Variants in DYNC2LI1 observed in about 807,000 individuals in gnomAD.
DYNC2LI1 encodes dynein cytoplasmic 2 light intermediate chain 1.
A neutral mutation model predicts 51.9 loss-of-function variants in DYNC2LI1; 45 were observed. The ratio of observed to expected loss-of-function variants is 0.87; its 90% CI spans 0.68 to 1.11. The LOEUF (loss-of-function observed/expected upper bound fraction) is 1.11. DYNC2LI1 is among the 50% of genes most tolerant of loss of function. DYNC2LI1 has a pLI of 0.00. For missense variants in DYNC2LI1, 490 were observed against 417.4 expected, an observed-to-expected ratio of 1.17 and a Z score of -1.51; for synonymous variants, 130 against 137.8, an observed-to-expected ratio of 0.94 and a Z score of 0.40.
the DYNC2LI1 span, among the ~76,000 whole-genome samples, chr2:43,815,927 AG>A: frequency 6.8e-6 from 1 of 146,850 alleles, no homozygotes; most frequent in African/African-American, 2.7e-5. Flanking sequence ...AAAAAAAAAA[AG>A]GACCAGACTA....
chr2:43,809,910 C>T lies in DYNC2LI1; in HGVS notation c.*143C>T. Reference sequence around the variant, plus strand: ...ACAAGCTGGATTTCTTGGACTAGTGCATCTCCCTGTATATCTTGAAGCTTT... The same window carrying T: ...ACAAGCTGGATTTCTTGGACTAGTGTATCTCCCTGTATATCTTGAAGCTTT... On this transcript the variant is annotated 3_prime_UTR_variant, in exon 13 of 13. Transcript: ENST00000260605. 2 of 1,414,982 alleles carry T rather than the reference C, an allele frequency of 1.4e-6. No homozygotes were observed. Among genetic ancestry groups the T allele is most frequent in the Admixed American group, 3.2e-5 (1 of 31,682 alleles). 87.7% of individuals were successfully genotyped at this position (1,414,982 alleles called of 1,614,324 possible).
chr2:43,827,377 G>A, the DYNC2LI1 span, among the ~76,000 whole-genome samples: 1 of 150,970 alleles, frequency 6.6e-6, no homozygotes, highest in Non-Finnish European at 1.5e-5. Flanking sequence ...TCTCTTATTT[G>A]CCTTCTAGTG....
At chr2:43,803,604 G>C (rs1666143915) in intron 10 of DYNC2LI1, among the ~76,000 whole-genome samples, 2 of 152,166 alleles carry the variant, frequency 1.3e-5, no homozygotes, top group Admixed American at 1.3e-4. Flanking sequence ...TGTGCTAGTG[G>C]AATTAAGTTG....
At chr2:43,814,641 T>C, downstream of DYNC2LI1, 1 of 1,062,812 alleles carries the variant, frequency 9.4e-7, no homozygotes, top group Non-Finnish European at 1.4e-6. Flanking sequence ...GCAATAGTCC[T>C]ACCAAATGAA....
intron 2 of DYNC2LI1, among the ~76,000 whole-genome samples, chr2:43,778,886 A>G (rs553102455): frequency 6.1e-4 from 93 of 152,268 alleles, no homozygotes; most frequent in Middle Eastern, 6.8e-3. Context: ...GTTTTTAGTA[A>G]TAAAAGTAAT....
intron 12 of DYNC2LI1, among the ~76,000 whole-genome samples, chr2:43,806,072 C>T (rs551193795): frequency 6.6e-6 from 1 of 151,912 alleles, no homozygotes; most frequent in South Asian, 2.1e-4. Context: ...TTAGTAGAAA[C>T]GGGGTTTCAC....
the DYNC2LI1 span, among the ~76,000 whole-genome samples, chr2:43,822,221 G>A: frequency 2.6e-5 from 4 of 151,960 alleles, no homozygotes; most frequent in African/African-American, 2.4e-5. Flanking sequence ...TGACTCTACC[G>A]AAGCTCTTTT....
the DYNC2LI1 span, chr2:43,820,042 C>A: frequency 6.2e-7 from 1 of 1,614,124 alleles, no homozygotes. Flanking sequence ...AAGTGGGGGG[C>A]CAAGAGAGCA....
At chr2:43,813,154 C>A (rs1666568512), downstream of DYNC2LI1, 1 of 1,461,022 alleles carries the variant, frequency 6.8e-7, no homozygotes, top group Non-Finnish European at 9.6e-7. Flanking sequence ...TTGAAAACAA[C>A]TATTCCTAGG....
the DYNC2LI1 span, chr2:43,822,489 T>G: frequency 1.4e-4 from 49 of 361,020 alleles, no homozygotes; most frequent in East Asian, 2.2e-4. Flanking sequence ...CCCCCCCCCA[T>G]GCACCTGGGT....
Position 43,798,581 on chromosome 2 carries a change from CA to C in DYNC2LI1, c.654+1787del, listed in dbSNP as rs754163215. Among the ~76,000 whole-genome samples, 115 of 152,296 alleles carry C rather than the reference CA, an allele frequency of 7.6e-4. No homozygotes were observed. In the Middle Eastern group the frequency reaches 0.014, roughly 18 times the overall value. ...AACAGATTACATTTGATGGAGGGTC[CA>C]GTCTGGTCTCATGGGTACAAATTTA... On this transcript the variant is annotated intron_variant, in intron 8 of 12. Transcript: ENST00000260605.
chr2:43,797,701 A>G (rs1043228444), intron 8 of DYNC2LI1, among the ~76,000 whole-genome samples: 34 of 151,664 alleles, frequency 2.2e-4, no homozygotes, highest in African/African-American at 7.0e-4. Context: ...TGTATTTTTA[A>G]TAGAGATGGG....
chr2:43,822,871 C>T, the DYNC2LI1 span: 1 of 1,614,156 alleles, frequency 6.2e-7, no homozygotes, highest in Non-Finnish European at 8.5e-7. Context: ...AGGCCAGCAT[C>T]ATCTGCCACT....
chr2:43,789,387 G>A (rs1475166555), intron 4 of DYNC2LI1, among the ~76,000 whole-genome samples: 1 of 152,098 alleles, frequency 6.6e-6, no homozygotes, highest in Admixed American at 6.5e-5. Flanking sequence ...GATGTCTTCT[G>A]TTTAGGTATT....
At chr2:43,818,896 C>T in the DYNC2LI1 span, among the ~76,000 whole-genome samples, 1 of 152,024 alleles carries the variant, frequency 6.6e-6, no homozygotes, top group Admixed American at 6.6e-5. Flanking sequence ...AATGAGGAAA[C>T]TAATTTAGAT....
At chr2:43,794,341 G>GTT in intron 5 of DYNC2LI1, 116 bp from the exon 6 acceptor site, 21 of 1,123,842 alleles carry the variant, frequency 1.9e-5, no homozygotes, top group East Asian at 1.1e-4. Flanking sequence ...TAATGCTACG[G>GTT]TTTTTTTTTC....
chr2:43,785,751 T>A lies in DYNC2LI1; in HGVS notation c.162-1430T>A, dbSNP rs566666792. Among the ~76,000 whole-genome samples, 4 of 151,856 alleles carry A rather than the reference T, an allele frequency of 2.6e-5. No individual in the cohort carries two copies. The East Asian group carries it at 7.7e-4, about 29-fold the overall frequency. On this transcript the variant is annotated intron_variant, in intron 3 of 12. Transcript: ENST00000260605. ...AAAATATATATAGTATGATTCCACT[T>A]ATATGAGATATCTAAAATAATCAAA...
At chr2:43,790,833 C>G (rs143820144) in intron 5 of DYNC2LI1, among the ~76,000 whole-genome samples, 1 of 152,080 alleles carries the variant, frequency 6.6e-6, no homozygotes, top group South Asian at 2.1e-4. Flanking sequence ...TGGAATTTTA[C>G]AGTTATATAG....
chr2:43,777,498 T>G (rs1016636911), intron 2 of DYNC2LI1, among the ~76,000 whole-genome samples: 1 of 152,202 alleles, frequency 6.6e-6, no homozygotes, highest in South Asian at 2.1e-4. Context: ...CCCACAAAGT[T>G]CCTGCCAGGA....
Sources: allele counts gnomAD v4.1 joint callset (sites outside exome capture counted in the v4.1 genomes callset), GRCh38; gene constraint gnomAD v4.1.1; transcripts MANE v1.5; gene names NCBI Gene and HGNC (gene_info 2026-07-23, HGNC 2026-07-21).